The following RBSN variants were observed in gnomAD, a reference collection of about 807,000 sequenced individuals.
RBSN encodes rabenosyn, RAB effector.
RBSN carries 34 observed loss-of-function variants against 60.5 expected under a neutral mutation model. The observed-to-expected ratio is 0.56, with a 90% CI of 0.43 to 0.75. RBSN has a LOEUF of 0.75. Among genes scored for constraint, RBSN ranks in the 30% least tolerant of loss-of-function variants. RBSN has a pLI of 0.00. For missense variants in RBSN, 845 were observed against 986.8 expected, an observed-to-expected ratio of 0.86 and a Z score of 1.92; for synonymous variants, 322 against 366.9, an observed-to-expected ratio of 0.88 and a Z score of 1.40.
chr3:15,098,219 G>A lies in RBSN; in HGVS notation c.-445C>T, dbSNP rs1462195450. ...CAAGTAAGACTGTAAAATCTGGGAG[G>A]GCACAGACTCTATATGTTTTCCACT... On this transcript the variant is annotated 5_prime_UTR_variant, in exon 2 of 14. Coordinates refer to ENST00000253699, the MANE Select transcript of RBSN (RefSeq NM_022340.4). 1 of 151,956 alleles carries A rather than the reference G, an allele frequency of 6.6e-6. No homozygotes were observed. The highest frequency in any genetic ancestry group is 1.5e-5 in the Non-Finnish European group (1 of 68,026). The allele number at this position is 151,956 out of a possible 1,614,324, so 9.4% of individuals were successfully genotyped here.
At chr3:15,081,567 C>T (rs1488097) in intron 9 of RBSN, 1 of 152,294 alleles carries the variant, frequency 6.6e-6, no homozygotes, top group East Asian at 1.9e-4. Context: ...TTCTAGTAGC[C>T]TGAGTATTTA....
chr3:15,088,385 ATT>A (rs35183082), intron 5 of RBSN, among the ~76,000 whole-genome samples: 1 of 147,402 alleles, frequency 6.8e-6, no homozygotes, highest in Non-Finnish European at 1.5e-5. Context: ...TATTATTATT[ATT>A]TTTTTTTTTT....
chr3:15,096,195 T>C lies in RBSN; in HGVS notation c.-75A>G. 3 of 1,478,312 alleles carry C rather than the reference T, an allele frequency of 2.0e-6. No individual in the cohort carries two copies. The highest frequency in any genetic ancestry group is 2.7e-6 in the Non-Finnish European group (3 of 1,112,170). 91.6% of individuals were successfully genotyped at this position (1,478,312 alleles called of 1,614,324 possible). A position where few individuals can be genotyped will look rare whatever the true frequency, so the allele number is the denominator to read the frequency against. ...CAGCTTGATTCCTCCCAAGGAACCA[T>C]GGTTCCCGCAGCATTAGCTTAAGCA... On this transcript the variant is annotated 5_prime_UTR_variant, in exon 4 of 14. The change abolishes an upstream ATG in the 5' untranslated region. Coordinates refer to ENST00000253699, the MANE Select transcript of RBSN (RefSeq NM_022340.4).
intron 8 of RBSN, among the ~76,000 whole-genome samples, chr3:15,083,557 A>G (rs1027185920): frequency 6.6e-6 from 1 of 151,836 alleles, no homozygotes; most frequent in African/African-American, 2.4e-5. Context: ...CTATTAACCT[A>G]CCCTGGGCTT....
intron 4 of RBSN, among the ~76,000 whole-genome samples, chr3:15,094,350 G>A (rs1317984334): frequency 6.6e-6 from 1 of 152,186 alleles, no homozygotes; most frequent in East Asian, 1.9e-4. Flanking sequence ...GTTGTGATTG[G>A]AACACGGGGC....
chr3:15,070,589 A>G lies in RBSN; in HGVS notation c.*3193T>C, dbSNP rs2042906992. 6.6e-6 allele frequency: 1 copy of G among 152,658 alleles called. No homozygotes were observed. The highest frequency in any genetic ancestry group is 1.5e-5 in the Non-Finnish European group (1 of 68,052). The allele number at this position is 152,658 out of a possible 1,614,324, so 9.5% of individuals were successfully genotyped here. ...GAACTTGAAGTTGTGGTTATAATAC[A>G]TAGGCCAAGTTTGCCTGCTGTCAAC... On this transcript the variant is annotated 3_prime_UTR_variant, in exon 14 of 14. Transcript: ENST00000253699.
At chr3:15,092,070 T>C (rs1276611379) in intron 4 of RBSN, among the ~76,000 whole-genome samples, 1 of 151,916 alleles carries the variant, frequency 6.6e-6, no homozygotes, top group African/African-American at 2.4e-5. Flanking sequence ...CAGGCTGGAG[T>C]GCAGTGGCTG....
chr3:15,091,163 T>C lies in RBSN; in HGVS notation c.149-624A>G, dbSNP rs185102959. Among the ~76,000 whole-genome samples, 159 of 120,466 alleles carry C rather than the reference T, an allele frequency of 1.3e-3. 3 individuals carry two copies. In the Admixed American group the frequency reaches 0.016, roughly 12 times the overall value. 79.0% of individuals were successfully genotyped at this position (120,466 alleles called of 152,430 possible). A position where few individuals can be genotyped will look rare whatever the true frequency, so the allele number is the denominator to read the frequency against. Reference sequence around the variant, plus strand: ...AGGTCGAGGCTGCAGTGAGCTGAGATTGTGCCACTGTACTCCAGCCTGGAC... The same window carrying C: ...AGGTCGAGGCTGCAGTGAGCTGAGACTGTGCCACTGTACTCCAGCCTGGAC... On this transcript the variant is annotated intron_variant, in intron 4 of 13. Transcript: ENST00000253699.
Position 15,077,269 on chromosome 3 carries a change from T to A in RBSN, c.999-105A>T, listed in dbSNP as rs1331937607. 11 of 949,124 alleles carry A rather than the reference T, an allele frequency of 1.2e-5. No homozygotes were observed. The highest frequency in any genetic ancestry group is 1.7e-5 in the Non-Finnish European group (10 of 595,328). 58.8% of individuals were successfully genotyped at this position (949,124 alleles called of 1,614,324 possible). On this transcript the variant is annotated intron_variant, in intron 11 of 13. Coordinates refer to ENST00000253699, the MANE Select transcript of RBSN (RefSeq NM_022340.4). The surrounding 1 kb of genome is among the most constrained non-coding windows in gnomAD (Gnocchi z 4.4). Reference sequence around the variant, plus strand: ...GCCAGGCTTTCATGCCAGGAAGGTGTGTAAAGATGGACAAGTGACTCCATT... The same window carrying A: ...GCCAGGCTTTCATGCCAGGAAGGTGAGTAAAGATGGACAAGTGACTCCATT...
intron 12 of RBSN, among the ~76,000 whole-genome samples, chr3:15,076,819 G>A (rs1170381549): frequency 1.3e-5 from 2 of 151,986 alleles, no homozygotes; most frequent in African/African-American, 4.8e-5. Context: ...AATACAAATG[G>A]GAAAAAAGAA....
chr3:15,073,392 C>G lies in RBSN; in HGVS notation c.*390G>C, dbSNP rs1487099919. ...CTGCCCTATAATACTGCATAAGGAA[C>G]CAAGACTAGGCAGTAGCAAATGGAC... On this transcript the variant is annotated 3_prime_UTR_variant, in exon 14 of 14. Transcript: ENST00000253699. The G allele has an allele frequency of 1.6e-5, 3 of 192,730 alleles. No individual in the cohort carries two copies. Among genetic ancestry groups the G allele is most frequent in the South Asian group, 2.2e-4 (2 of 9,150 alleles). The allele number at this position is 192,730 out of a possible 1,614,324, so 11.9% of individuals were successfully genotyped here. A position where few individuals can be genotyped will look rare whatever the true frequency, so the allele number is the denominator to read the frequency against.
At chr3:15,091,666 G>A (rs1229732398) in intron 4 of RBSN, among the ~76,000 whole-genome samples, 3 of 152,228 alleles carry the variant, frequency 2.0e-5, no homozygotes, top group Non-Finnish European at 2.9e-5. Context: ...ATGAGGAAAC[G>A]ACATCAAAGA....
At chr3:15,092,660 C>G (rs887433970) in intron 4 of RBSN, among the ~76,000 whole-genome samples, 1 of 152,216 alleles carries the variant, frequency 6.6e-6, no homozygotes, top group African/African-American at 2.4e-5. Flanking sequence ...GATCTGCCCA[C>G]CTCGGCCTCC....
intron 4 of RBSN, 48 bp from the exon 5 acceptor site, chr3:15,090,587 G>A (rs1469375241): frequency 4.4e-6 from 7 of 1,574,546 alleles, no homozygotes; most frequent in Admixed American, 3.9e-5. Flanking sequence ...AGAACACCCA[G>A]TAAACAGTCA....
At chr3:15,087,096 T>G (rs1444291531) in intron 5 of RBSN, among the ~76,000 whole-genome samples, 2 of 152,252 alleles carry the variant, frequency 1.3e-5, no homozygotes, top group Non-Finnish European at 2.9e-5. Context: ...TTTGAAATAT[T>G]TATACACTGG....
rs1575084186 is a variant in RBSN at position 15,074,790 on chromosome 3, A to G, written c.1347T>C (p.Gly449=). The stretch of plus-strand genomic sequence containing the variant: ...GGTCTGAGTCCTCACTCTGCCCCTG[A>G]CCTCCTGACAGTGGGAGCCAGCCCT... The part of the protein sequence containing the change: ...KAEGWLPLSG[G]QGQSEDSDPL... Residue 449 remains glycine (G), a synonymous_variant, in exon 14 of 14, where the codon GGT becomes GGC. Coordinates refer to ENST00000253699, the MANE Select transcript of RBSN (RefSeq NM_022340.4). This position sits in a 1 kb window ranked among gnomAD's most constrained non-coding sequence, Gnocchi z 6.4. The G allele has an allele frequency of 1.2e-6, 2 of 1,614,074 alleles. No individual in the cohort carries two copies. Among genetic ancestry groups the G allele is most frequent in the Non-Finnish European group, 1.7e-6 (2 of 1,180,042 alleles).
At chr3:15,075,249 G>A (rs750468770) in intron 13 of RBSN, 18 of 587,846 alleles carry the variant, frequency 3.1e-5, no homozygotes, top group Non-Finnish European at 3.7e-5. Flanking sequence ...CTCACGCAGC[G>A]TTAAATACAC....
rs1210067223 is a variant in RBSN at position 15,084,018 on chromosome 3, C to T, written c.598+717G>A. 6.6e-6 allele frequency among the ~76,000 whole-genome samples: 1 copy of T among 152,198 alleles called. No homozygotes were observed. The highest frequency in any genetic ancestry group is 2.4e-5 in the African/African-American group (1 of 41,458). ...GGACAATGCCTTATAGGCTTATAGG[C>T]CAGAAATGGGCAAAAAATGACCTGT... On this transcript the variant is annotated intron_variant, in intron 8 of 13. Coordinates refer to ENST00000253699, the MANE Select transcript of RBSN (RefSeq NM_022340.4). This position sits in a 1 kb window ranked among gnomAD's most constrained non-coding sequence, Gnocchi z 4.2.
Position 15,095,874 on chromosome 3 carries a change from T to A in RBSN, c.148+99A>T. ...ACTAGTCATCTGTTTGCTACTACTA[T>A]TATCATATTCCTGTGGCAACACCAA... On this transcript the variant is annotated intron_variant, in intron 4 of 13. Coordinates refer to ENST00000253699, the MANE Select transcript of RBSN (RefSeq NM_022340.4). 4 of 1,516,692 alleles carry A rather than the reference T, an allele frequency of 2.6e-6. No homozygotes were observed. The South Asian group carries it at 4.6e-5, about 17-fold the overall frequency. The allele number at this position is 1,516,692 out of a possible 1,614,324, so 94.0% of individuals were successfully genotyped here.
Sources: gnomAD v4.1 joint callset for allele counts (sites outside exome capture counted in the v4.1 genomes callset) on GRCh38, gnomAD v4.1.1 for gene constraint, Gnocchi (gnomAD v3.1) non-coding constraint, MANE v1.5 for transcripts, NCBI Gene and HGNC (gene_info 2026-07-23, HGNC 2026-07-21) for gene names.